LAMA5: variants seen among roughly 807,000 people sequenced by gnomAD.
LAMA5 encodes the protein laminin subunit alpha-5.
A neutral mutation model predicts 433.4 loss-of-function variants in LAMA5; 260 were observed. The ratio of observed to expected loss-of-function variants is 0.60; its 90% CI spans 0.54 to 0.66. The LOEUF is 0.66. Ranked by LOEUF, LAMA5 falls within the 30% of genes least tolerant of loss-of-function variation. The probability of loss-of-function intolerance (pLI) is 0.00; values close to 1 mark genes in which losing one functional copy is unlikely to be tolerated. For missense variants in LAMA5, 5,378 were observed against 5,258.5 expected (o/e 1.02, Z -0.70); for synonymous variants, 2,620 against 2,226.6 (o/e 1.18, Z -4.97).
rs754056436 is a variant in LAMA5, at chr20:62,312,069, T to G, written c.9505-19A>C. ...GCCCATCCTGGGGACGGCAGCCAGG[T>G]CAGCCGGCCGGCCTGGGGACCCAGA... On this transcript the variant is annotated intron_variant, in intron 69 of 79. Coordinates refer to ENST00000252999, the MANE Select transcript of LAMA5 (RefSeq NM_005560.6). The G allele has an allele frequency of 6.2e-7, 1 of 1,610,198 alleles. No homozygotes were observed. Among genetic ancestry groups the G allele is most frequent in the African/African-American group, 1.3e-5 (1 of 75,004 alleles).
Position 62,320,848 on chromosome 20 carries a change from C to A in LAMA5, c.6539G>T (p.Arg2180Leu). 6.2e-7 allele frequency: 1 copy of A among 1,612,244 alleles called. No individual in the cohort carries two copies. The highest frequency in any genetic ancestry group is 1.1e-5 in the South Asian group (1 of 91,064). ...AATGGCGGGGAGGAGGGCGCCGGCC[C>A]GTTCCAGGTCATCCAGGAGCAGGAC... is the stretch of plus-strand genomic sequence containing the variant. Reference protein sequence around the residue: ...CVVLLLDDLERAGALLPAIHE... With the variant: ...CVVLLLDDLELAGALLPAIHE... The change falls in exon 49 of 80, where the codon CGG becomes CTG. Residue 2180 changes from arginine to leucine, a missense_variant. Arg to Leu is a moderately radical substitution (Grantham distance 102). Coordinates refer to ENST00000252999, the MANE Select transcript of LAMA5 (RefSeq NM_005560.6).
At chr20:62,316,268 G>T in intron 57 of LAMA5, 1 of 593,736 alleles carries the variant, frequency 1.7e-6, no homozygotes, top group Non-Finnish European at 3.0e-6. Context: ...TCCCACTGCA[G>T]GCATAGCTGT....
intron 41 of LAMA5, 92 bp downstream of exon 41, chr20:62,325,224 G>A: frequency 1.2e-6 from 1 of 832,216 alleles, no homozygotes; most frequent in African/African-American, 1.8e-5. Flanking sequence ...ACAGGAAGTG[G>A]AGGCAGCAAG....
chr20:62,335,335 G>A, intron 18 of LAMA5, 66 bp from the exon 19 acceptor site: 2 of 1,553,840 alleles, frequency 1.3e-6, no homozygotes, highest in Non-Finnish European at 1.8e-6. Context: ...AGCCCCCCGA[G>A]GAACCCCCAC....
In LAMA5 at chr20:62,311,477, C is replaced by G; in HGVS notation, c.9866G>C (p.Ser3289Thr). 6.2e-7 allele frequency: 1 copy of G among 1,610,150 alleles called. No homozygotes were observed. The highest frequency in any genetic ancestry group is 8.5e-7 in the Non-Finnish European group (1 of 1,178,730). The change falls in exon 72 of 80, where the codon AGC becomes ACC. Residue 3289 changes from serine (S) to threonine (T), a missense_variant. Physicochemically the swap from Ser to Thr is moderately conservative, Grantham distance 58. Coordinates refer to ENST00000252999, the MANE Select transcript of LAMA5 (RefSeq NM_005560.6). ...TTGCAGGGCGGGTGCACAGCCCGTGCTCACATTGACGCTGCCCAGGTTCTG... is the reference window on the plus strand; with the variant it reads ...TTGCAGGGCGGGTGCACAGCCCGTGGTCACATTGACGCTGCCCAGGTTCTG... ...LQQNLGSVNV[S>T]TGCAPALQAQ...
At chr20:62,358,097 TG>T (rs140367426) in intron 2 of LAMA5, among the ~76,000 whole-genome samples, 9,651 of 152,196 alleles carry the variant, frequency 0.063, 349 homozygotes, top group South Asian at 0.16. Context: ...CACCAGGGCC[TG>T]GGGGGTCTAG....
At position 62,346,129 on chromosome 20, in the gene LAMA5, G is replaced by A. The variant is rs747637012; in HGVS notation, c.1369C>T (p.Arg457Trp). 4.0e-5 allele frequency: 64 copies of A among 1,612,932 alleles called. No homozygotes were observed. In the African/African-American group the frequency reaches 5.1e-4, roughly 13 times the overall value. ...AAGCCCTCGGCACACACGTCACACC[G>A]CTCCCCAGAGAAGTTGGGCCGGCAG... Reference protein sequence around the residue: ...CYCRPNFSGERCDVCAEGFTG... With the variant: ...CYCRPNFSGEWCDVCAEGFTG... The change falls in exon 10 of 80, where the codon CGG becomes TGG. Residue 457 changes from arginine (R) to tryptophan (W), a missense_variant. Arg to Trp is a moderately radical substitution (Grantham distance 101, BLOSUM62 -3). Transcript: ENST00000252999.
chr20:62,311,842 G>T, intron 70 of LAMA5, 58 bp from the exon 71 acceptor site: 1 of 650,382 alleles, frequency 1.5e-6, no homozygotes, highest in African/African-American at 2.2e-5. Flanking sequence ...CCCCACCTCA[G>T]AGGAGACAGA....
chr20:62,337,543 C>CACACACAGGCCCGGCACCTGGT (rs756289123), intron 16 of LAMA5, 47 bp downstream of exon 16: 47 of 1,561,574 alleles, frequency 3.0e-5, no homozygotes, highest in Non-Finnish European at 3.9e-5. Flanking sequence ...AGCACAGACC[C>CACACACAGGCCCGGCACCTGGT]ACACACAGGC....
rs889308543 is a variant in LAMA5, at chr20:62,357,398, C to T, written c.451-4147G>A. ...AGGGCACCGGGGCACCCAGCCCCCTCGATGCCCAGAGTCCTGGGCCAGCCC... is the reference window on the plus strand; with the variant it reads ...AGGGCACCGGGGCACCCAGCCCCCTTGATGCCCAGAGTCCTGGGCCAGCCC... On this transcript the variant is annotated intron_variant, in intron 2 of 79. Transcript: ENST00000252999. 5.9e-5 allele frequency among the ~76,000 whole-genome samples: 9 copies of T among 152,340 alleles called. No homozygotes were observed. The South Asian group carries it at 6.2e-4, about 11-fold the overall frequency.
At position 62,323,791 on chromosome 20, in the gene LAMA5, C is replaced by T. The variant is rs766886969; in HGVS notation, c.5834G>A (p.Gly1945Asp). The change falls in exon 44 of 80, where the codon GGT (glycine) becomes GAT (aspartate). Residue 1945 changes from glycine to aspartate, a missense_variant. Coordinates refer to ENST00000252999, the MANE Select transcript of LAMA5 (RefSeq NM_005560.6). ...TQCLCKPGYA[G>D]ASCERCAPGF... ...CCCAGCTCACCGCTCGCAGGAGGCA[C>T]CTGCATAACCAGGTTTGCAGAGGCA... 4 of 1,610,506 alleles carry T rather than the reference C, an allele frequency of 2.5e-6. No individual in the cohort carries two copies.
chr20:62,323,373 C>A, intron 45 of LAMA5, 83 bp downstream of exon 45: 1 of 1,148,886 alleles, frequency 8.7e-7, no homozygotes, highest in Non-Finnish European at 1.2e-6. Context: ...GGCACACAGC[C>A]TACTTACGGG....
At chr20:62,328,142 C>A in intron 35 of LAMA5, 99 bp downstream of exon 35, 1 of 1,509,236 alleles carries the variant, frequency 6.6e-7, no homozygotes, top group Non-Finnish European at 8.9e-7. Context: ...ACCCAGGGAG[C>A]ACAAATGGGA....
chr20:62,355,162 G>T (rs1283975052), intron 2 of LAMA5: 1 of 152,352 alleles, frequency 6.6e-6, no homozygotes, highest in African/African-American at 2.4e-5. Flanking sequence ...CCCTAAAAAG[G>T]CCAGCAGGCC....
Position 62,310,587 on chromosome 20 carries a change from C to A in LAMA5, c.10447-15G>T, listed in dbSNP as rs1374073947. 1.3e-6 allele frequency: 2 copies of A among 1,564,294 alleles called. No individual in the cohort carries two copies. Among genetic ancestry groups the A allele is most frequent in the Non-Finnish European group, 1.7e-6 (2 of 1,159,646 alleles). Reference sequence around the variant, plus strand: ...CCGACGGTCACCTATAGGAGCAGACCGGGCAGGGATCAGGGCCCAGGGCAG... The same window carrying A: ...CCGACGGTCACCTATAGGAGCAGACAGGGCAGGGATCAGGGCCCAGGGCAG... On this transcript the variant is annotated splice_polypyrimidine_tract_variant and intron_variant, in intron 75 of 79. Transcript: ENST00000252999.
chr20:62,362,251 T>TC (rs1986213707), intron 2 of LAMA5, 149 bp downstream of exon 2: 2 of 706,276 alleles, frequency 2.8e-6, no homozygotes, highest in Non-Finnish European at 4.1e-6. Flanking sequence ...CTGTGGGGAC[T>TC]CCCCCCACCA....
At chr20:62,318,418 G>A in intron 53 of LAMA5, 36 bp downstream of exon 53, 1 of 1,554,484 alleles carries the variant, frequency 6.4e-7, no homozygotes, top group Non-Finnish European at 8.7e-7. Context: ...GAGGCGGGAA[G>A]AGGAGCAGGA....
rs1302224743 is a variant in LAMA5, at chr20:62,362,422, T to C, written c.428A>G (p.Asn143Ser). Residue 143 changes from asparagine to serine, a missense_variant, in exon 2 of 80, where the codon AAC becomes AGC. By Grantham distance (46) the Asn-to-Ser change is conservative (BLOSUM62 1). Coordinates refer to ENST00000252999, the MANE Select transcript of LAMA5 (RefSeq NM_005560.6). ...TACCTGGCCCAGGTCCAGGGTGACG[T>C]TGACCTCGTTGTACTCCAGGCCGCG... ...LSRGLEYNEV[N>S]VTLDLGQVFH... is the part of the protein sequence containing the mutation. The C allele has an allele frequency of 5.7e-6, 9 of 1,569,372 alleles. No individual in the cohort carries two copies. Among genetic ancestry groups the C allele is most frequent in the Non-Finnish European group, 6.9e-6 (8 of 1,152,642 alleles).
Position 62,317,735 on chromosome 20 carries a change from G to A in LAMA5, c.7283C>T (p.Ala2428Val), listed in dbSNP as rs1010027261. The change falls in exon 54 of 80, where the codon GCC becomes GTC. Residue 2428 changes from alanine (A) to valine (V), a missense_variant. Transcript: ENST00000252999. ...ELSRDNATLQ[A>V]TLHAARDTLA... ...GGTGTCCCTAGCCGCATGCAGAGTG[G>A]CCTGCAGGGTGGCATTGTCCCGGGA... is the stretch of plus-strand genomic sequence containing the variant. 3.1e-6 allele frequency: 5 copies of A among 1,607,984 alleles called. No individual in the cohort carries two copies. In the East Asian group the frequency reaches 9.0e-5, roughly 29 times the overall value.
Sources: gnomAD v4.1 joint callset for allele counts (sites outside exome capture counted in the v4.1 genomes callset) on GRCh38, gnomAD v4.1.1 for gene constraint, MANE v1.5 for transcripts, NCBI Gene and HGNC (gene_info 2026-07-23, HGNC 2026-07-21) for gene names.